The following SETBP1 variants were observed in gnomAD, a reference collection of about 807,000 sequenced individuals.
SETBP1 encodes SET-binding protein.
Under a neutral mutation model 101.0 loss-of-function variants are expected in SETBP1, and 9 were observed. The observed-to-expected ratio is 0.09, with a 90% CI of 0.05 to 0.16. The LOEUF (loss-of-function observed/expected upper bound fraction) is 0.16. SETBP1 is among the 10% of genes least tolerant of loss of function. SETBP1 has a pLI of 1.00. For synonymous variants in SETBP1, 818 were observed against 788.5 expected (o/e 1.04, Z -0.63); for missense variants, 1,858 against 2,033.8 (o/e 0.91, Z 1.66).
At chr18:44,907,335 T>G (rs2070198519) in intron 3 of SETBP1, among the ~76,000 whole-genome samples, 1 of 152,240 alleles carries the variant, frequency 6.6e-6, no homozygotes, top group Admixed American at 6.5e-5. Context: ...AGTTTTTGCA[T>G]GAACATATGT....
intron 2 of SETBP1, among the ~76,000 whole-genome samples, chr18:44,837,959 C>T (rs1568173029): frequency 6.6e-6 from 1 of 152,192 alleles, no homozygotes; most frequent in Non-Finnish European, 1.5e-5. Context: ...TTCTCTTGAA[C>T]TGACTGGGTG....
At chr18:44,853,013 G>A (rs539141971) in intron 2 of SETBP1, among the ~76,000 whole-genome samples, 1 of 152,236 alleles carries the variant, frequency 6.6e-6, no homozygotes, top group East Asian at 1.9e-4. Context: ...CTCTGGGCTG[G>A]TGGATGCACT....
At chr18:44,749,247 A>C (rs1426703861) in intron 2 of SETBP1, among the ~76,000 whole-genome samples, 1 of 152,208 alleles carries the variant, frequency 6.6e-6, no homozygotes, top group African/African-American at 2.4e-5. Flanking sequence ...TTGGGGAGTT[A>C]ATAATTGGAC....
At chr18:44,967,973 C>G (rs1414265031) in intron 4 of SETBP1, among the ~76,000 whole-genome samples, 1 of 152,126 alleles carries the variant, frequency 6.6e-6, no homozygotes, top group African/African-American at 2.4e-5. Flanking sequence ...TCCTTGTGAT[C>G]TGGTAGATGG....
chr18:44,769,957 A>G (rs1011202244), intron 2 of SETBP1, among the ~76,000 whole-genome samples: 1 of 152,170 alleles, frequency 6.6e-6, no homozygotes, highest in African/African-American at 2.4e-5. Flanking sequence ...AAATCCTCAA[A>G]TTCTCACTCT....
At chr18:45,028,999 A>G (rs937471062) in intron 4 of SETBP1, among the ~76,000 whole-genome samples, 2 of 152,072 alleles carry the variant, frequency 1.3e-5, no homozygotes, top group Non-Finnish European at 2.9e-5. Context: ...CTGCTGTGCA[A>G]AAGCTCTTTA....
chr18:44,898,463 T>A (rs2069959908), intron 3 of SETBP1, among the ~76,000 whole-genome samples: 1 of 152,158 alleles, frequency 6.6e-6, no homozygotes, highest in African/African-American at 2.4e-5. Flanking sequence ...ACCTAGAAAG[T>A]TAGAATTTTA....
intron 2 of SETBP1, among the ~76,000 whole-genome samples, chr18:44,719,873 A>G (rs1396679761): frequency 6.6e-6 from 1 of 152,226 alleles, no homozygotes; most frequent in Non-Finnish European, 1.5e-5. Flanking sequence ...TGTGGGGGTC[A>G]GAGGTCAAAG....
At chr18:45,007,112 T>C (rs887076169) in intron 4 of SETBP1, among the ~76,000 whole-genome samples, 1 of 152,210 alleles carries the variant, frequency 6.6e-6, no homozygotes, top group African/African-American at 2.4e-5. Context: ...TCAACCATGC[T>C]GCTAGTGGAA....
chr18:44,962,882 G>A (rs1490750527), intron 4 of SETBP1, among the ~76,000 whole-genome samples: 4 of 152,162 alleles, frequency 2.6e-5, no homozygotes, highest in African/African-American at 9.7e-5. Context: ...TCACCTTGTT[G>A]ATGGAGGATC....
At chr18:44,938,390 A>G (rs576421942) in intron 3 of SETBP1, among the ~76,000 whole-genome samples, 1 of 152,366 alleles carries the variant, frequency 6.6e-6, no homozygotes, top group Admixed American at 6.5e-5. Flanking sequence ...ACCCATAGAA[A>G]CAATCAATGA....
chr18:44,719,084 A>C (rs4084232), intron 2 of SETBP1, among the ~76,000 whole-genome samples: 16 of 151,884 alleles, frequency 1.1e-4, no homozygotes, highest in Non-Finnish European at 2.4e-4. Flanking sequence ...GATGTCCTTG[A>C]AAGTCCCAGC....
chr18:44,719,670 A>C (rs923078339), intron 2 of SETBP1, among the ~76,000 whole-genome samples: 8 of 152,200 alleles, frequency 5.3e-5, no homozygotes, highest in African/African-American at 1.9e-4. Flanking sequence ...GAACTTCTGG[A>C]TACCTGCCTT....
intron 2 of SETBP1, among the ~76,000 whole-genome samples, chr18:44,798,078 G>T (rs188636826): frequency 3.7e-4 from 57 of 152,224 alleles, no homozygotes; most frequent in Non-Finnish European, 4.4e-5. Flanking sequence ...TTTAGGCCAG[G>T]AAATATACAC....
intron 1 of SETBP1, among the ~76,000 whole-genome samples, chr18:44,688,695 C>T (rs1262868707): frequency 9.9e-5 from 15 of 152,150 alleles, no homozygotes; most frequent in South Asian, 4.2e-4. Context: ...CCTCATGATC[C>T]GCCTGCCTCG....
intron 4 of SETBP1, chr18:44,969,998 T>G (rs2071807073): frequency 6.5e-6 from 1 of 154,652 alleles, no homozygotes; most frequent in African/African-American, 2.4e-5. Context: ...AGTCAAAGAA[T>G]CCTAATTCTC....
chr18:44,713,971 T>G (rs991143488), intron 2 of SETBP1, among the ~76,000 whole-genome samples: 3 of 152,230 alleles, frequency 2.0e-5, no homozygotes, highest in Admixed American at 1.3e-4. Flanking sequence ...CTATGTATTC[T>G]GTAGAGATAC....
At position 45,066,397 on chromosome 18, in the gene SETBP1, CAG is replaced by C. The variant is rs1250431386; in HGVS notation, c.*2700_*2701del. ...GTGGAAGCAAGTTCAGTCACCTACTCAGCTTCCTCTCTCCACCACCCAGTTCC... is the reference window on the plus strand; with the variant it reads ...GTGGAAGCAAGTTCAGTCACCTACTCCTTCCTCTCTCCACCACCCAGTTCC... On this transcript the variant is annotated 3_prime_UTR_variant, in exon 6 of 6. Coordinates refer to ENST00000649279, the MANE Select transcript of SETBP1 (RefSeq NM_015559.3). The C allele has an allele frequency of 1.3e-5, 2 of 152,236 alleles. No individual in the cohort carries two copies. Among genetic ancestry groups the C allele is most frequent in the Non-Finnish European group, 2.9e-5 (2 of 68,060 alleles). 9.4% of individuals were successfully genotyped at this position (152,236 alleles called of 1,614,324 possible).
At chr18:44,894,009 G>T (rs975882812) in intron 3 of SETBP1, among the ~76,000 whole-genome samples, 29 of 152,108 alleles carry the variant, frequency 1.9e-4, no homozygotes, top group African/African-American at 5.8e-4. Flanking sequence ...CTCTTGATCT[G>T]CAGCCAGTAA....
Sources: allele counts gnomAD v4.1 joint callset (sites outside exome capture counted in the v4.1 genomes callset), GRCh38; gene constraint gnomAD v4.1.1; transcripts MANE v1.5; gene names NCBI Gene and HGNC (gene_info 2026-07-23, HGNC 2026-07-21).